Variants in SNX29 observed in about 807,000 individuals in gnomAD.
The protein encoded by SNX29 is sorting nexin-29.
In SNX29, 78 loss-of-function variants were observed where a neutral mutation model predicts 102.1. The observed-to-expected ratio is 0.76, with a 90% confidence interval of 0.64 to 0.92. The LOEUF is 0.92. Among genes scored for constraint, SNX29 ranks in the 40% least tolerant of loss-of-function variants. SNX29 has a pLI of 0.00. For synonymous variants in SNX29, 580 were observed against 414.5 expected, an observed-to-expected ratio of 1.40 and a Z score of -4.85; for missense variants, 1,280 against 1,061.7, an observed-to-expected ratio of 1.21 and a Z score of -2.86.
intron 18 of SNX29, 23 bp from the exon 19 acceptor site, chr16:12,477,696 T>C: frequency 6.2e-7 from 1 of 1,603,920 alleles, no homozygotes; most frequent in Non-Finnish European, 8.5e-7. Flanking sequence ...TAAGAGGAAT[T>C]CACATTTTCT....
intron 11 of SNX29, among the ~76,000 whole-genome samples, chr16:12,079,134 A>G (rs2292277): frequency 0.23 from 35,569 of 152,194 alleles, 4,944 homozygotes; most frequent in African/African-American, 0.39. Flanking sequence ...GTGCCTCAGG[A>G]TGGAGCAGCC....
intron 14 of SNX29, among the ~76,000 whole-genome samples, chr16:12,226,821 G>C (rs1216466322): frequency 6.6e-6 from 1 of 152,036 alleles, no homozygotes; most frequent in Non-Finnish European, 1.5e-5. Flanking sequence ...TAGATTATCT[G>C]CCCACCTTGG....
At chr16:12,202,728 G>T (rs935047640) in intron 14 of SNX29, among the ~76,000 whole-genome samples, 1 of 152,240 alleles carries the variant, frequency 6.6e-6, no homozygotes, top group African/African-American at 2.4e-5. Context: ...GAGAGCAGGA[G>T]ATCCCTCTGA....
At chr16:12,402,685 C>T (rs746499675) in intron 17 of SNX29, among the ~76,000 whole-genome samples, 1 of 152,130 alleles carries the variant, frequency 6.6e-6, no homozygotes, top group Admixed American at 6.5e-5. Flanking sequence ...ACCTGGCCCA[C>T]GCGAGGTGAG....
intron 14 of SNX29, among the ~76,000 whole-genome samples, chr16:12,277,456 G>A (rs1163966952): frequency 6.6e-6 from 1 of 152,128 alleles, no homozygotes; most frequent in Non-Finnish European, 1.5e-5. Flanking sequence ...CTTATGTCTT[G>A]CCAAACCTGC....
intron 11 of SNX29, among the ~76,000 whole-genome samples, chr16:12,085,409 C>T (rs1005600013): frequency 6.6e-6 from 1 of 152,192 alleles, no homozygotes; most frequent in Non-Finnish European, 1.5e-5. Context: ...TCACTGCAAC[C>T]TCCGCCTCCC....
intron 14 of SNX29, among the ~76,000 whole-genome samples, chr16:12,267,963 G>A (rs1456009663): frequency 6.6e-6 from 1 of 152,056 alleles, no homozygotes; most frequent in African/African-American, 2.4e-5. Flanking sequence ...TTAGCCACAT[G>A]GGGCCTCCTC....
chr16:12,476,411 T>TAC (rs1281676113), intron 18 of SNX29, among the ~76,000 whole-genome samples: 1 of 18,644 alleles, frequency 5.4e-5, no homozygotes, highest in Admixed American at 9.7e-4. Context: ...TATATATATA[T>TAC]ACATATATAT....
intron 13 of SNX29, among the ~76,000 whole-genome samples, chr16:12,157,020 T>C (rs2055581361): frequency 6.6e-6 from 1 of 152,102 alleles, no homozygotes; most frequent in Admixed American, 6.5e-5. Flanking sequence ...CTCTGGGAGC[T>C]GATCCTAGGA....
intron 20 of SNX29, among the ~76,000 whole-genome samples, chr16:12,536,981 AAAAAAT>A (rs1384518105): frequency 2.7e-5 from 4 of 148,474 alleles, no homozygotes; most frequent in Non-Finnish European, 3.0e-5. Context: ...ACCCGTCTTA[AAAAAAT>A]AAAATAAAAA....
chr16:12,059,211 C>A (rs1385204975), intron 8 of SNX29, among the ~76,000 whole-genome samples: 1 of 152,220 alleles, frequency 6.6e-6, no homozygotes, highest in Non-Finnish European at 1.5e-5. Flanking sequence ...TAGAAACCAG[C>A]AGAACATCGC....
chr16:11,990,082 G>C (rs1422784682), intron 1 of SNX29, among the ~76,000 whole-genome samples: 1 of 152,192 alleles, frequency 6.6e-6, no homozygotes, highest in Non-Finnish European at 1.5e-5. Flanking sequence ...TCCTTTGTTT[G>C]TTTCACCAGG....
chr16:12,546,431 T>A (rs1419328995), intron 20 of SNX29: 1 of 152,158 alleles, frequency 6.6e-6, no homozygotes, highest in Admixed American at 6.5e-5. Flanking sequence ...GCACCATCGA[T>A]GTGAGCTAGG....
At chr16:12,268,841 T>G (rs1470515138) in intron 14 of SNX29, among the ~76,000 whole-genome samples, 1 of 152,110 alleles carries the variant, frequency 6.6e-6, no homozygotes, top group Non-Finnish European at 1.5e-5. Context: ...GTATCAGAAG[T>G]TTCACTTAAT....
chr16:12,427,996 CAGG>C (rs2085153441), intron 18 of SNX29, among the ~76,000 whole-genome samples: 1 of 152,222 alleles, frequency 6.6e-6, no homozygotes, highest in South Asian at 2.1e-4. Flanking sequence ...TTTAAAGACA[CAGG>C]AGATTGCATG....
intron 13 of SNX29, among the ~76,000 whole-genome samples, chr16:12,165,912 C>T (rs1359522448): frequency 1.3e-5 from 2 of 152,232 alleles, no homozygotes; most frequent in Non-Finnish European, 1.5e-5. Flanking sequence ...CTCTGCTGCA[C>T]ACTAGCCATG....
At chr16:12,567,115 C>A (rs758672048) in intron 20 of SNX29, among the ~76,000 whole-genome samples, 1 of 152,244 alleles carries the variant, frequency 6.6e-6, no homozygotes, top group Non-Finnish European at 1.5e-5. Context: ...GAATGCAAGT[C>A]TCTTAACTCA....
chr16:12,374,903 C>T (rs945242078), intron 16 of SNX29: 5 of 152,296 alleles, frequency 3.3e-5, no homozygotes, highest in African/African-American at 1.2e-4. Context: ...TCTAGTGATA[C>T]TGGCTTTCTG....
intron 20 of SNX29, among the ~76,000 whole-genome samples, chr16:12,559,094 C>G (rs906162915): frequency 6.6e-6 from 1 of 152,138 alleles, no homozygotes; most frequent in Non-Finnish European, 1.5e-5. Context: ...GCTCCTTAGT[C>G]TAGGATGAGT....
Sources: gnomAD v4.1 joint callset for allele counts (sites outside exome capture counted in the v4.1 genomes callset) on GRCh38, gnomAD v4.1.1 for gene constraint, MANE v1.5 for transcripts, NCBI Gene and HGNC (gene_info 2026-07-23, HGNC 2026-07-21) for gene names.